The following MALRD1 variants were observed in gnomAD, a reference collection of about 807,000 sequenced individuals.
MALRD1 encodes the protein MAM and LDL-receptor class A domain-containing protein 1.
Under a neutral mutation model 242.1 loss-of-function variants are expected in MALRD1, and 247 were observed. The ratio of observed to expected loss-of-function variants is 1.02; its 90% confidence interval spans 0.92 to 1.13. MALRD1 has a LOEUF of 1.13. Among genes scored for constraint, MALRD1 ranks in the 50% most tolerant of loss-of-function variants. The pLI is 0.00. For synonymous variants in MALRD1, 995 were observed against 866.6 expected (o/e 1.15, Z -2.60); for missense variants, 2,989 against 2,533.1 (o/e 1.18, Z -3.86).
intron 21 of MALRD1, chr10:19,291,283 C>A (rs1841410228): frequency 6.6e-6 from 1 of 152,042 alleles, no homozygotes. Flanking sequence ...GCTCATAGAA[C>A]CCTTGGGGGA....
intron 26 of MALRD1, among the ~76,000 whole-genome samples, chr10:19,360,648 G>T (rs1197615764): frequency 6.6e-6 from 1 of 151,968 alleles, no homozygotes; most frequent in Non-Finnish European, 1.5e-5. Context: ...GGAAATACTA[G>T]CTAATATTTT....
Position 19,203,771 on chromosome 10 carries a change from A to C in MALRD1, c.1995A>C (p.Glu665Asp), listed in dbSNP as rs773461147. ...AAGCAAACAGCTGTGATTGGTTTGAAGCAATTAGTGGTGACCATTTTGACT... is the reference window on the plus strand; with the variant it reads ...AAGCAAACAGCTGTGATTGGTTTGACGCAATTAGTGGTGACCATTTTGACT... The part of the protein sequence containing the change: ...DFEANSCDWF[E>D]AISGDHFDWI... The change falls in exon 15 of 40, where the codon GAA becomes GAC. Residue 665 changes from glutamate (E) to aspartate (D), a missense_variant. Physicochemically the swap from Glu to Asp is conservative, Grantham distance 45. Coordinates refer to ENST00000454679, the MANE Select transcript of MALRD1 (RefSeq NM_001142308.3). 27 of 1,549,890 alleles carry C rather than the reference A, an allele frequency of 1.7e-5. No individual in the cohort carries two copies. The highest frequency in any genetic ancestry group is 2.2e-5 in the Non-Finnish European group (25 of 1,146,390).
chr10:19,616,419 A>G (rs1839160844), intron 36 of MALRD1, among the ~76,000 whole-genome samples: 1 of 152,078 alleles, frequency 6.6e-6, no homozygotes, highest in Non-Finnish European at 1.5e-5. Flanking sequence ...TACTCAAAGC[A>G]AGAGTAAACA....
intron 31 of MALRD1, among the ~76,000 whole-genome samples, chr10:19,527,224 A>C (rs998108710): frequency 6.6e-6 from 1 of 152,102 alleles, no homozygotes; most frequent in Admixed American, 6.5e-5. Flanking sequence ...TTGTGACTTG[A>C]GTTACTTCAG....
intron 24 of MALRD1, among the ~76,000 whole-genome samples, chr10:19,332,793 A>C (rs1450139606): frequency 2.0e-5 from 3 of 152,198 alleles, no homozygotes; most frequent in Non-Finnish European, 2.9e-5. Context: ...CAGTCAACAG[A>C]TGAAGCTGTC....
chr10:19,433,238 T>C (rs1392836296), intron 28 of MALRD1, among the ~76,000 whole-genome samples: 1 of 152,092 alleles, frequency 6.6e-6, no homozygotes, highest in Non-Finnish European at 1.5e-5. Context: ...GAGGCATGCC[T>C]TTGTTGAGGG....
In MALRD1 at chr10:19,550,304, TG is replaced by T. The variant is rs201795576; in HGVS notation, c.5479-17197del. On this transcript the variant is annotated intron_variant, in intron 32 of 39. Coordinates refer to ENST00000454679, the MANE Select transcript of MALRD1 (RefSeq NM_001142308.3). ...TTCAGTGACATCCAAACCCAGAAAT[TG>T]TGGTGAAGTTTTAGTGTAACAAAGT... is the stretch of plus-strand genomic sequence containing the variant. 2.2e-4 allele frequency among the ~76,000 whole-genome samples: 33 copies of T among 152,264 alleles called. 1 individual carries two copies. In the East Asian group the frequency reaches 5.8e-3, roughly 27 times the overall value.
intron 28 of MALRD1, among the ~76,000 whole-genome samples, chr10:19,396,311 A>G (rs1846577890): frequency 6.6e-6 from 1 of 151,332 alleles, no homozygotes; most frequent in Admixed American, 6.6e-5. Context: ...TAATTTTTGT[A>G]TTTTTAGTAA....
At position 19,203,680 on chromosome 10, in the gene MALRD1, G is replaced by A. The variant is rs1836653285; in HGVS notation, c.1952-48G>A. ...TTTGAGCTCTGCCTTTTCAAAGTGT[G>A]GGAGCAGTTTGGAGAGCCAACATAA... On this transcript the variant is annotated intron_variant, in intron 14 of 39. Coordinates refer to ENST00000454679, the MANE Select transcript of MALRD1 (RefSeq NM_001142308.3). 7 of 1,475,064 alleles carry A rather than the reference G, an allele frequency of 4.7e-6. No homozygotes were observed. In the Admixed American group the frequency reaches 1.2e-4, roughly 25 times the overall value. 91.4% of individuals were successfully genotyped at this position (1,475,064 alleles called of 1,614,324 possible). A position where few individuals can be genotyped will look rare whatever the true frequency, so the allele number is the denominator to read the frequency against.
At chr10:19,109,041 G>A (rs1203211772) in intron 5 of MALRD1, among the ~76,000 whole-genome samples, 1 of 152,188 alleles carries the variant, frequency 6.6e-6, no homozygotes, top group Non-Finnish European at 1.5e-5. Context: ...GTGCTTTAGA[G>A]TATTGGTTAG....
rs1359690128 is a variant in MALRD1, at chr10:19,539,916, A to ACG, written c.5478+8566_5478+8567insGC. On this transcript the variant is annotated intron_variant, in intron 32 of 39. Coordinates refer to ENST00000454679, the MANE Select transcript of MALRD1 (RefSeq NM_001142308.3). ...TGTGTGTGCGCGCGCGCGTGCGCGCACACACGCGCAGTGATGGGGTTTTGC... is the reference window on the plus strand; with the variant it reads ...TGTGTGTGCGCGCGCGCGTGCGCGCACGCACACGCGCAGTGATGGGGTTTTGC... Among the ~76,000 whole-genome samples, 93 of 46,808 alleles carry ACG rather than the reference A, an allele frequency of 2.0e-3. 2 individuals are homozygous for ACG. The highest frequency in any genetic ancestry group is 5.0e-3 in the African/African-American group (83 of 16,594). 30.7% of individuals were successfully genotyped at this position (46,808 alleles called of 152,430 possible). A position where few individuals can be genotyped will look rare whatever the true frequency, so the allele number is the denominator to read the frequency against.
Position 19,615,905 on chromosome 10 carries a change from A to G in MALRD1, c.6119A>G (p.Lys2040Arg). The G allele has an allele frequency of 1.3e-6, 2 of 1,532,222 alleles. No individual in the cohort carries two copies. The highest frequency in any genetic ancestry group is 1.7e-6 in the Non-Finnish European group (2 of 1,144,694). The allele number at this position is 1,532,222 out of a possible 1,614,324, so 94.9% of individuals were successfully genotyped here. ...AATGGTGGGACTTGTGTAGTGGAGA[A>G]AAATGGTCCTATGTGTCGGTAAGAA... ...CRNGGTCVVE[K>R]NGPMCRCRQG... Residue 2040 changes from lysine to arginine, a missense_variant, in exon 36 of 40, where the codon AAA becomes AGA. By Grantham distance (26) the Lys-to-Arg change is conservative. Transcript: ENST00000454679.
At chr10:19,179,106 A>G (rs1228023093) in intron 14 of MALRD1, among the ~76,000 whole-genome samples, 1 of 152,234 alleles carries the variant, frequency 6.6e-6, no homozygotes, top group Non-Finnish European at 1.5e-5. Context: ...AAGAGCAAGG[A>G]TGTATCTAGC....
chr10:19,648,301 A>G (rs1311534510), intron 36 of MALRD1, among the ~76,000 whole-genome samples: 4 of 152,210 alleles, frequency 2.6e-5, no homozygotes, highest in African/African-American at 4.8e-5. Flanking sequence ...ATCTGTGACA[A>G]GATAAAGCCT....
intron 4 of MALRD1, among the ~76,000 whole-genome samples, chr10:19,102,328 T>C (rs1836296379): frequency 6.6e-6 from 1 of 151,992 alleles, no homozygotes; most frequent in Non-Finnish European, 1.5e-5. Context: ...AAAATGGTTC[T>C]ATTTTCTAAG....
chr10:19,237,610 AAT>A (rs371019849), intron 18 of MALRD1, among the ~76,000 whole-genome samples: 19,973 of 49,040 alleles, frequency 0.41, 2,121 homozygotes, highest in East Asian at 0.53. Flanking sequence ...TTATAATTAT[AAT>A]TATATAATTA....
intron 38 of MALRD1, among the ~76,000 whole-genome samples, chr10:19,706,224 G>T (rs756146126): frequency 1.3e-5 from 2 of 152,194 alleles, no homozygotes; most frequent in South Asian, 4.1e-4. Flanking sequence ...ACTCTGGGAA[G>T]GGAAACAGAT....
At chr10:19,136,470 A>T (rs1833343528) in intron 9 of MALRD1, 104 bp from the exon 10 acceptor site, 2 of 618,434 alleles carry the variant, frequency 3.2e-6, no homozygotes, top group Non-Finnish European at 4.7e-6. Context: ...TGGTTGCTTT[A>T]AACACTTTTT....
In MALRD1 at chr10:19,734,216, C is replaced by T. The variant is rs1335701247; in HGVS notation, c.6450C>T (p.Thr2150=). The T allele has an allele frequency of 6.5e-7, 1 of 1,535,778 alleles. No homozygotes were observed. Among genetic ancestry groups the T allele is most frequent in the Admixed American group, 2.0e-5 (1 of 50,944 alleles). The part of the protein sequence containing the change: ...LYGTTSGSLE[T]LSHHLK ...GCACAACATCAGGAAGCCTGGAGAC[C>T]CTGTCACATCATCTCAAATAGCAGC... Residue 2150 remains threonine (T), a synonymous_variant, in exon 40 of 40, where the codon ACC becomes ACT. Coordinates refer to ENST00000454679, the MANE Select transcript of MALRD1 (RefSeq NM_001142308.3).
Sources: allele counts gnomAD v4.1 joint callset (sites outside exome capture counted in the v4.1 genomes callset), GRCh38; gene constraint gnomAD v4.1.1; transcripts MANE v1.5; gene names NCBI Gene and HGNC (gene_info 2026-07-23, HGNC 2026-07-21).